Variants in CNTN5 observed in about 807,000 individuals in gnomAD.
CNTN5 encodes contactin 5.
Under a neutral mutation model 129.1 loss-of-function variants are expected in CNTN5, and 77 were observed. The ratio of observed to expected loss-of-function variants is 0.60; its 90% CI spans 0.50 to 0.72. The LOEUF (loss-of-function observed/expected upper bound fraction) is 0.72, where lower values mean the gene tolerates loss of function less well. Ranked by LOEUF, CNTN5 falls within the 30% of genes least tolerant of loss-of-function variation. CNTN5 has a pLI of 0.00. For synonymous variants in CNTN5, 509 were observed against 465.6 expected, an observed-to-expected ratio of 1.09 and a Z score of -1.20; for missense variants, 1,478 against 1,328.8, an observed-to-expected ratio of 1.11 and a Z score of -1.75.
At chr11:99,703,936 G>A (rs1954640521) in intron 3 of CNTN5, among the ~76,000 whole-genome samples, 1 of 151,024 alleles carries the variant, frequency 6.6e-6, no homozygotes, top group Admixed American at 6.6e-5. Context: ...TGTAGGTAGA[G>A]TAAGAATGAG....
At chr11:99,945,682 A>G (rs1411624742) in intron 7 of CNTN5, among the ~76,000 whole-genome samples, 1 of 152,036 alleles carries the variant, frequency 6.6e-6, no homozygotes, top group African/African-American at 2.4e-5. Flanking sequence ...CCTATAAACA[A>G]GCTCAAGACT....
chr11:100,109,738 G>A (rs901698234), intron 13 of CNTN5, among the ~76,000 whole-genome samples: 1 of 152,170 alleles, frequency 6.6e-6, no homozygotes, highest in African/African-American at 2.4e-5. Flanking sequence ...TAATTGTTAA[G>A]GGCGCAACCT....
chr11:99,397,509 TTATC>T (rs200172750), intron 2 of CNTN5, among the ~76,000 whole-genome samples: 54 of 151,888 alleles, frequency 3.6e-4, no homozygotes, highest in African/African-American at 1.2e-3. Flanking sequence ...CCTCCATTTA[TTATC>T]TATCTATCTA....
chr11:99,905,985 G>T (rs1949493562), intron 6 of CNTN5, among the ~76,000 whole-genome samples: 2 of 152,106 alleles, frequency 1.3e-5, no homozygotes, highest in South Asian at 4.1e-4. Flanking sequence ...TTTGCACATT[G>T]ATTTTGTATC....
At chr11:99,310,194 T>G (rs566453895) in intron 1 of CNTN5, among the ~76,000 whole-genome samples, 2 of 152,232 alleles carry the variant, frequency 1.3e-5, no homozygotes, top group Non-Finnish European at 2.9e-5. Flanking sequence ...CATATTTATA[T>G]CTACAGAAAG....
At chr11:99,054,825 T>C (rs1320687969) in intron 1 of CNTN5, among the ~76,000 whole-genome samples, 1 of 151,884 alleles carries the variant, frequency 6.6e-6, no homozygotes, top group East Asian at 1.9e-4. Flanking sequence ...GAATAATATG[T>C]TTTTCTAAAA....
chr11:99,980,059 A>G (rs1565748871), intron 8 of CNTN5, among the ~76,000 whole-genome samples: 1 of 152,212 alleles, frequency 6.6e-6, no homozygotes. Flanking sequence ...TAGTCTTGTA[A>G]CAATGATTAG....
intron 3 of CNTN5, among the ~76,000 whole-genome samples, chr11:99,788,087 A>G (rs534298165): frequency 4.2e-4 from 64 of 151,922 alleles, no homozygotes; most frequent in African/African-American, 1.4e-3. Flanking sequence ...AAAATCTCCC[A>G]TGGCTTTGCT....
intron 2 of CNTN5, among the ~76,000 whole-genome samples, chr11:99,470,960 A>G (rs577391603): frequency 2.6e-4 from 40 of 152,224 alleles, no homozygotes; most frequent in African/African-American, 8.9e-4. Context: ...TTCATTAGTC[A>G]AGGACTGCTG....
At chr11:100,333,800 C>T (rs1411477604) in intron 21 of CNTN5, among the ~76,000 whole-genome samples, 1 of 152,134 alleles carries the variant, frequency 6.6e-6, no homozygotes, top group Non-Finnish European at 1.5e-5. Flanking sequence ...GGATCAAAGA[C>T]TTAAATCTAA....
chr11:100,078,774 T>TATAATG (rs1944245562), intron 13 of CNTN5, among the ~76,000 whole-genome samples: 1 of 152,126 alleles, frequency 6.6e-6, no homozygotes, highest in Non-Finnish European at 1.5e-5. Flanking sequence ...GAATGTTATG[T>TATAATG]ATAATGATAA....
chr11:99,314,731 G>A (rs1034004047), intron 1 of CNTN5, among the ~76,000 whole-genome samples: 1 of 129,056 alleles, frequency 7.7e-6, no homozygotes, highest in African/African-American at 2.6e-5. Flanking sequence ...GGGGAATAAG[G>A]AAAGGAAGAG....
chr11:100,152,027 C>T (rs992586363), intron 13 of CNTN5, among the ~76,000 whole-genome samples: 8 of 152,180 alleles, frequency 5.3e-5, no homozygotes, highest in African/African-American at 9.7e-5. Flanking sequence ...ACCTTAACCA[C>T]GTCTCCTTTA....
intron 6 of CNTN5, among the ~76,000 whole-genome samples, chr11:99,906,370 A>C (rs2135970233): frequency 6.6e-6 from 1 of 152,154 alleles, no homozygotes; most frequent in Non-Finnish European, 1.5e-5. Flanking sequence ...AATTTTGTTG[A>C]AGGTCGTTTT....
chr11:99,293,112 G>A (rs898092478), intron 1 of CNTN5, among the ~76,000 whole-genome samples: 10 of 15,618 alleles, frequency 6.4e-4, no homozygotes, highest in South Asian at 5.5e-3. Context: ...ATACCCAGTT[G>A]GTTAAGACTT....
intron 2 of CNTN5, among the ~76,000 whole-genome samples, chr11:99,542,371 T>A (rs1215596709): frequency 6.6e-6 from 1 of 152,242 alleles, no homozygotes; most frequent in African/African-American, 2.4e-5. Context: ...TCACTACTTC[T>A]ATGATTTTAA....
chr11:99,526,493 A>G (rs945303487), intron 2 of CNTN5, among the ~76,000 whole-genome samples: 1 of 152,242 alleles, frequency 6.6e-6, no homozygotes. Context: ...AACAAAATGC[A>G]GGGATTTTTT....
chr11:100,181,262 T>C (rs999628039), intron 13 of CNTN5, among the ~76,000 whole-genome samples: 6 of 151,652 alleles, frequency 4.0e-5, no homozygotes, highest in African/African-American at 1.5e-4. Context: ...ACAATTTGGA[T>C]GAGCCTCCAG....
At chr11:99,669,249 TTAAGA>T (rs1256250459) in intron 3 of CNTN5, among the ~76,000 whole-genome samples, 1 of 152,082 alleles carries the variant, frequency 6.6e-6, no homozygotes, top group African/African-American at 2.4e-5. Context: ...TGAATGAATC[TTAAGA>T]TGAGAAAAGC....
Sources: gnomAD v4.1 joint callset for allele counts (sites outside exome capture counted in the v4.1 genomes callset) on GRCh38, gnomAD v4.1.1 for gene constraint, MANE v1.5 for transcripts, NCBI Gene and HGNC (gene_info 2026-07-23, HGNC 2026-07-21) for gene names.